NCBP1: variants seen among roughly 807,000 people sequenced by gnomAD.
The protein encoded by NCBP1 is nuclear cap-binding protein subunit 1.
NCBP1 carries 16 observed loss-of-function variants against 111.7 expected under a neutral mutation model. The observed-to-expected ratio is 0.14, with a 90% CI of 0.10 to 0.22. The LOEUF is 0.22. Among genes scored for constraint, NCBP1 ranks in the 10% least tolerant of loss-of-function variants. The pLI is 1.00. For synonymous variants in NCBP1, 304 were observed against 314.3 expected, an observed-to-expected ratio of 0.97 and a Z score of 0.35; for missense variants, 607 against 957.5, an observed-to-expected ratio of 0.63 and a Z score of 4.83.
At chr9:97,648,707 AATTT>A (rs1827415265) in intron 8 of NCBP1, among the ~76,000 whole-genome samples, 1 of 152,112 alleles carries the variant, frequency 6.6e-6, no homozygotes, top group South Asian at 2.1e-4. Context: ...TCATTCTGGC[AATTT>A]TTCTTTCTTA....
At chr9:97,635,963 A>C (rs1487136109) in intron 1 of NCBP1, 2 of 152,228 alleles carry the variant, frequency 1.3e-5, no homozygotes, top group Non-Finnish European at 2.9e-5. Flanking sequence ...GGAGACTTAC[A>C]TAACTTTCTT....
chr9:97,646,095 TGAGA>T (rs1212632488), intron 6 of NCBP1, among the ~76,000 whole-genome samples: 2 of 152,220 alleles, frequency 1.3e-5, no homozygotes, highest in Non-Finnish European at 2.9e-5. Context: ...TTATACAATT[TGAGA>T]GAGAGGTTTG....
At chr9:97,636,525 A>G (rs917442637) in intron 1 of NCBP1, among the ~76,000 whole-genome samples, 22 of 144,470 alleles carry the variant, frequency 1.5e-4, no homozygotes, top group Non-Finnish European at 2.6e-4. Flanking sequence ...ATTTATATTT[A>G]TATATTATAT....
At position 97,638,953 on chromosome 9, in the gene NCBP1, C is replaced by CT. The variant is rs531477417; in HGVS notation, c.35-1834dup. Among the ~76,000 whole-genome samples, 1,163 of 152,226 alleles carry CT rather than the reference C, an allele frequency of 7.6e-3. 12 individuals carry two copies. The highest frequency in any genetic ancestry group is 0.027 in the African/African-American group (1,104 of 41,548). On this transcript the variant is annotated intron_variant, in intron 1 of 22. Coordinates refer to ENST00000375147, the MANE Select transcript of NCBP1 (RefSeq NM_002486.5). ...TTGCGTAAATATTACATCAATTATG[C>CT]TTTTTTTCAATAAGTGAATCCTGGA...
chr9:97,640,728 A>C (rs1226709478), intron 1 of NCBP1, 66 bp from the exon 2 acceptor site: 2 of 1,255,412 alleles, frequency 1.6e-6, no homozygotes, highest in Non-Finnish European at 2.3e-6. Context: ...TAACCTAAAA[A>C]GGTTAAATAA....
intron 7 of NCBP1, 126 bp from the exon 8 acceptor site, chr9:97,647,882 C>T: frequency 1.2e-6 from 1 of 866,936 alleles, no homozygotes; most frequent in Non-Finnish European, 1.8e-6. Context: ...AACTTAGCAC[C>T]TTTTTTTGTA....
At position 97,641,572 on chromosome 9, in the gene NCBP1, C is replaced by G; in HGVS notation, c.134C>G (p.Ser45Cys). ...TGATGTCCTCTACAGAGTGCCTGCT[C>G]TTTGGAGAGCAACCTAGAAGGCTTG... is the stretch of plus-strand genomic sequence containing the variant. ...ICKVGEKSAC[S>C]LESNLEGLAG... The change falls in exon 3 of 23, where the codon TCT (serine) becomes TGT (cysteine). Residue 45 changes from serine (S) to cysteine (C), a missense_variant. This residue lies in a region of NCBP1 where 185 missense variants were observed against 272.0 expected (regional missense o/e 0.68). Transcript: ENST00000375147. 1 of 1,608,262 alleles carries G rather than the reference C, an allele frequency of 6.2e-7. No individual in the cohort carries two copies.
intron 22 of NCBP1, 152 bp from the exon 23 acceptor site, chr9:97,670,934 A>T: frequency 1.5e-5 from 7 of 480,168 alleles, no homozygotes; most frequent in South Asian, 4.1e-5. Flanking sequence ...AATGTTGGGG[A>T]TTTTCAGGGG....
At chr9:97,660,349 T>G (rs1827795983) in intron 15 of NCBP1, among the ~76,000 whole-genome samples, 1 of 152,208 alleles carries the variant, frequency 6.6e-6, no homozygotes, top group Non-Finnish European at 1.5e-5. Context: ...GCACAAATTT[T>G]TATAATAAGG....
intron 10 of NCBP1, 99 bp from the exon 11 acceptor site, chr9:97,653,699 G>A (rs1827561130): frequency 6.6e-6 from 5 of 752,928 alleles, no homozygotes; most frequent in Non-Finnish European, 8.6e-6. Context: ...TCATATGAAT[G>A]CCATGGAGTT....
intron 15 of NCBP1, among the ~76,000 whole-genome samples, chr9:97,659,729 C>G (rs1408660554): frequency 6.6e-6 from 1 of 152,070 alleles, no homozygotes; most frequent in Non-Finnish European, 1.5e-5. Context: ...TGTACTGGTT[C>G]CGAGAATGAT....
Position 97,662,893 on chromosome 9 carries a change from A to G in NCBP1, c.1704-61A>G, listed in dbSNP as rs1827878935. ...TTGAGTAACATTGAAAAGGCTTTGA[A>G]AACACTAAAATGTTTAATGAATAAG... On this transcript the variant is annotated intron_variant, in intron 17 of 22. Coordinates refer to ENST00000375147, the MANE Select transcript of NCBP1 (RefSeq NM_002486.5). 3 of 1,283,272 alleles carry G rather than the reference A, an allele frequency of 2.3e-6. 1 individual carries two copies. The highest frequency in any genetic ancestry group is 3.3e-6 in the Non-Finnish European group (3 of 909,050). 79.5% of individuals were successfully genotyped at this position (1,283,272 alleles called of 1,614,324 possible). A position where few individuals can be genotyped will look rare whatever the true frequency, so the allele number is the denominator to read the frequency against.
intron 1 of NCBP1, 90 bp downstream of exon 1, chr9:97,634,005 T>C: frequency 7.2e-7 from 1 of 1,393,354 alleles, no homozygotes; most frequent in Non-Finnish European, 9.5e-7. Flanking sequence ...GACTGGAAGC[T>C]CTTCTCCCCG....
intron 15 of NCBP1, among the ~76,000 whole-genome samples, chr9:97,660,149 C>T (rs562727416): frequency 6.6e-6 from 1 of 152,188 alleles, no homozygotes; most frequent in Non-Finnish European, 1.5e-5. Context: ...TTTTCTTCGC[C>T]TTCTTTTTTT....
rs1384301756 is a variant in NCBP1, at chr9:97,672,229, C to T, written c.*1030C>T. 1 of 152,100 alleles carries T rather than the reference C, an allele frequency of 6.6e-6. No individual in the cohort carries two copies. The highest frequency in any genetic ancestry group is 1.5e-5 in the Non-Finnish European group (1 of 67,998). The allele number at this position is 152,100 out of a possible 1,614,324, so 9.4% of individuals were successfully genotyped here. A position where few individuals can be genotyped will look rare whatever the true frequency, so the allele number is the denominator to read the frequency against. The stretch of plus-strand genomic sequence containing the variant: ...ATTTCGAGGATTTTTAGACTTTTTT[C>T]ATTAAACCTTAGAAAAAAATTACCA... On this transcript the variant is annotated 3_prime_UTR_variant, in exon 23 of 23. Coordinates refer to ENST00000375147, the MANE Select transcript of NCBP1 (RefSeq NM_002486.5).
At chr9:97,654,744 C>A in intron 11 of NCBP1, 136 bp from the exon 12 acceptor site, 1 of 797,414 alleles carries the variant, frequency 1.3e-6, no homozygotes. Context: ...AAAACAAAAA[C>A]AAGATTGATT....
Position 97,669,616 on chromosome 9 carries a change from G to A in NCBP1, c.2169G>A (p.Glu723=). Residue 723 remains glutamate (E), a synonymous_variant, in exon 22 of 23, where the codon GAG becomes GAA. Transcript: ENST00000375147. The part of the protein sequence containing the change: ...IFQRFIMILT[E]HLVRCETDGT... ...AGCGGTTTATCATGATCTTGACCGA[G>A]CACCTAGTACGATGCGAAACTGATG... 1 of 1,611,118 alleles carries A rather than the reference G, an allele frequency of 6.2e-7. No individual in the cohort carries two copies. Among genetic ancestry groups the A allele is most frequent in the Non-Finnish European group, 8.5e-7 (1 of 1,177,362 alleles).
At position 97,671,457 on chromosome 9, in the gene NCBP1, A is replaced by AT. The variant is rs954400059; in HGVS notation, c.*266dup. 38 of 363,544 alleles carry AT rather than the reference A, an allele frequency of 1.0e-4. No homozygotes were observed. The highest frequency in any genetic ancestry group is 1.2e-4 in the Non-Finnish European group (23 of 199,576). The allele number at this position is 363,544 out of a possible 1,614,324, so 22.5% of individuals were successfully genotyped here. On this transcript the variant is annotated 3_prime_UTR_variant, in exon 23 of 23. Transcript: ENST00000375147. ...ACAAATTCTCTGTGATCAGTTTGTT[A>AT]TTTTTTTTCTCCTTAAGGCACAAAA...
intron 16 of NCBP1, among the ~76,000 whole-genome samples, chr9:97,661,725 C>A (rs1362543698): frequency 7.7e-6 from 1 of 130,454 alleles, no homozygotes. Context: ...AAGACATAAG[C>A]TTAAGTGTTT....
Sources: gnomAD v4.1 joint callset for allele counts (sites outside exome capture counted in the v4.1 genomes callset) on GRCh38, gnomAD v4.1.1 for gene constraint, gnomAD v4.1.1 regional missense constraint, MANE v1.5 for transcripts, NCBI Gene and HGNC (gene_info 2026-07-23, HGNC 2026-07-21) for gene names.